Variants in DNAH11 observed in about 807,000 individuals in gnomAD.
DNAH11 encodes axonemal beta dynein heavy chain 11.
Under a neutral mutation model 526.0 loss-of-function variants are expected in DNAH11, and 442 were observed. The ratio of observed to expected loss-of-function variants is 0.84; its 90% CI spans 0.78 to 0.91. DNAH11 has a LOEUF of 0.91. Ranked by LOEUF, DNAH11 falls within the 40% of genes least tolerant of loss-of-function variation. The pLI is 0.00. For missense variants in DNAH11, 6,989 were observed against 5,448.7 expected, an observed-to-expected ratio of 1.28 and a Z score of -8.90; for synonymous variants, 2,461 against 1,935.9, an observed-to-expected ratio of 1.27 and a Z score of -7.12.
Position 21,739,552 on chromosome 7 carries a change from T to C in DNAH11, c.7812-19T>C. On this transcript the variant is annotated intron_variant, in intron 47 of 81. Transcript: ENST00000409508. ...CATCTCCAGTTTTTGGATTTAAGGT[T>C]CTGTTTTCTGTCTTTCAGGTATGAT... 1 of 1,601,388 alleles carries C rather than the reference T, an allele frequency of 6.2e-7. No individual in the cohort carries two copies.
chr7:21,725,737 C>T, intron 44 of DNAH11, 74 bp from the exon 45 acceptor site: 2 of 1,439,160 alleles, frequency 1.4e-6, no homozygotes, highest in Non-Finnish European at 9.5e-7. Flanking sequence ...GATATTGTTA[C>T]TCATAATTTG....
chr7:21,587,180 G>T (rs553885695), intron 9 of DNAH11, among the ~76,000 whole-genome samples: 41 of 152,336 alleles, frequency 2.7e-4, no homozygotes, highest in African/African-American at 9.6e-4. Flanking sequence ...TAGTAAACAA[G>T]ACAAGAGACT....
At chr7:21,581,505 A>G (rs1414677959) in intron 8 of DNAH11, among the ~76,000 whole-genome samples, 1 of 152,230 alleles carries the variant, frequency 6.6e-6, no homozygotes, top group Non-Finnish European at 1.5e-5. Flanking sequence ...AAACTTATAG[A>G]TGGACTAAAG....
At chr7:21,811,067 G>C (rs1427943216) in intron 63 of DNAH11, among the ~76,000 whole-genome samples, 1 of 152,072 alleles carries the variant, frequency 6.6e-6, no homozygotes, top group South Asian at 2.1e-4. Flanking sequence ...TTAAACATAC[G>C]GTATAAATAC....
intron 70 of DNAH11, 33 bp from the exon 71 acceptor site, chr7:21,866,437 A>G (rs1225314449): frequency 6.3e-6 from 10 of 1,583,488 alleles, no homozygotes; most frequent in Non-Finnish European, 8.6e-6. Flanking sequence ...TATCGTTCAC[A>G]CCATTCCTAC....
At chr7:21,709,755 CTG>C (rs1212415967) in intron 40 of DNAH11, among the ~76,000 whole-genome samples, 2 of 151,984 alleles carry the variant, frequency 1.3e-5, no homozygotes, top group African/African-American at 2.4e-5. Flanking sequence ...GGCTGAAAAA[CTG>C]TGGAAACTGT....
Position 21,698,111 on chromosome 7 carries a change from C to T in DNAH11, c.6078C>T (p.Ile2026=), listed in dbSNP as rs769000578. 51 of 1,613,336 alleles carry T rather than the reference C, an allele frequency of 3.2e-5. No homozygotes were observed. Among genetic ancestry groups the T allele is most frequent in the Non-Finnish European group, 4.2e-5 (49 of 1,179,684 alleles). The change falls in exon 36 of 82, where the codon ATC becomes ATT. Residue 2026 remains isoleucine (I), a synonymous_variant. Coordinates refer to ENST00000409508, the MANE Select transcript of DNAH11 (RefSeq NM_001277115.2). ...CAMVAPDIEL[I]CEILLVAEGF... Reference sequence around the variant, plus strand: ...TGGTGGCCCCTGACATTGAGCTAATCTGTGAAATCTTGTTAGTTGCTGAAG... The same window carrying T: ...TGGTGGCCCCTGACATTGAGCTAATTTGTGAAATCTTGTTAGTTGCTGAAG...
chr7:21,561,086 G>A lies in DNAH11; in HGVS notation c.898G>A (p.Val300Ile). 1 of 1,598,966 alleles carries A rather than the reference G, an allele frequency of 6.3e-7. No individual in the cohort carries two copies. Among genetic ancestry groups the A allele is most frequent in the Non-Finnish European group, 8.5e-7 (1 of 1,172,346 alleles). ...CIYDQLQAPV[V>I]LKMVKILTTK... is the part of the protein sequence containing the mutation. ...TTTAACTTAGCTTCAGGCACCTGTT[G>A]TCCTCAAAATGGTTAAGATCCTGAC... is the stretch of plus-strand genomic sequence containing the variant. The change falls in exon 5 of 82, where the codon GTC becomes ATC. Residue 300 changes from valine to isoleucine, a missense_variant. Transcript: ENST00000409508.
At chr7:21,742,347 G>A (rs573125973) in intron 49 of DNAH11, among the ~76,000 whole-genome samples, 181 bp downstream of exon 49, 2 of 152,282 alleles carry the variant, frequency 1.3e-5, no homozygotes, top group East Asian at 3.9e-4. Context: ...ATCTGCTTCT[G>A]GTGAGGGCCT....
chr7:21,843,485 T>G (rs1026913336), intron 66 of DNAH11, among the ~76,000 whole-genome samples: 2 of 149,302 alleles, frequency 1.3e-5, no homozygotes, highest in Admixed American at 6.6e-5. Context: ...TTTTTTTGTT[T>G]TTTTTTTTTT....
At chr7:21,632,641 C>G (rs1253914895) in intron 25 of DNAH11, among the ~76,000 whole-genome samples, 1 of 152,160 alleles carries the variant, frequency 6.6e-6, no homozygotes, top group Non-Finnish European at 1.5e-5. Context: ...TGTTCCAGTT[C>G]CCAACAAGTT....
Position 21,866,601 on chromosome 7 carries a change from T to A in DNAH11, c.11628T>A (p.Ser3876Arg), listed in dbSNP as rs777616135. 1.9e-6 allele frequency: 3 copies of A among 1,613,720 alleles called. No homozygotes were observed. The African/African-American group carries it at 4.0e-5, about 22-fold the overall frequency. The change falls in exon 71 of 82, where the codon AGT becomes AGA. Residue 3876 changes from serine (S) to arginine (R), a missense_variant. By Grantham distance (110) the Ser-to-Arg change is moderately radical. Transcript: ENST00000409508. ...TACCTCAAGAATGGAAGAAGAAAAG[T>A]TTAATACAGAAGCTGATTCTTCTGA... ...EKLPQEWKKK[S>R]LIQKLILLRA...
chr7:21,708,670 A>C (rs1224393930), intron 40 of DNAH11, among the ~76,000 whole-genome samples: 3 of 151,824 alleles, frequency 2.0e-5, no homozygotes, highest in Non-Finnish European at 4.4e-5. Flanking sequence ...ATTTCCCACC[A>C]CTTACTATAA....
chr7:21,802,097 C>G (rs909762375), intron 62 of DNAH11, among the ~76,000 whole-genome samples: 1 of 152,102 alleles, frequency 6.6e-6, no homozygotes, highest in African/African-American at 2.4e-5. Flanking sequence ...TGATGATTCT[C>G]AAAAGACATA....
chr7:21,877,874 CAAAAAAAAA>C (rs59694030), intron 74 of DNAH11, among the ~76,000 whole-genome samples: 2 of 66,612 alleles, frequency 3.0e-5, no homozygotes, highest in South Asian at 7.0e-4. Flanking sequence ...GACTCCATCT[CAAAAAAAAA>C]AAAAAAAAAA....
chr7:21,732,121 A>G (rs1306162418), intron 45 of DNAH11, among the ~76,000 whole-genome samples: 1 of 152,182 alleles, frequency 6.6e-6, no homozygotes, highest in African/African-American at 2.4e-5. Flanking sequence ...TGCCATAACA[A>G]AATACCACAG....
intron 27 of DNAH11, among the ~76,000 whole-genome samples, 195 bp downstream of exon 27, chr7:21,637,897 C>A (rs73072274): frequency 6.6e-6 from 1 of 151,464 alleles, no homozygotes; most frequent in Non-Finnish European, 1.5e-5. Context: ...GTAAATAAAC[C>A]CAAAAATATT....
intron 61 of DNAH11, among the ~76,000 whole-genome samples, chr7:21,791,278 G>C (rs17145452): frequency 0.068 from 10,419 of 152,252 alleles, 492 homozygotes; most frequent in East Asian, 0.24. Flanking sequence ...GGGCTACCCA[G>C]CTTCCAGTCT....
chr7:21,796,914 TACAA>T (rs1352934685), intron 61 of DNAH11, among the ~76,000 whole-genome samples: 2 of 152,184 alleles, frequency 1.3e-5, no homozygotes, highest in Non-Finnish European at 2.9e-5. Context: ...TTATTTTTTT[TACAA>T]ACAATGATTA....
Sources: allele counts gnomAD v4.1 joint callset (sites outside exome capture counted in the v4.1 genomes callset), GRCh38; gene constraint gnomAD v4.1.1; transcripts MANE v1.5; gene names NCBI Gene and HGNC (gene_info 2026-07-23, HGNC 2026-07-21).